MEGF11: variants seen among roughly 807,000 people sequenced by gnomAD.
MEGF11 encodes multiple EGF like domains 11.
In MEGF11, 126 loss-of-function variants were observed where a neutral mutation model predicts 146.6. That is an observed-to-expected ratio of 0.86 (90% CI 0.74 to 1.00). MEGF11 has a LOEUF of 1.00. Among genes scored for constraint, MEGF11 ranks in the 50% least tolerant of loss-of-function variants. The pLI is 0.00. For synonymous variants in MEGF11, 532 were observed against 583.4 expected, an observed-to-expected ratio of 0.91 and a Z score of 1.27; for missense variants, 1,509 against 1,521.2, an observed-to-expected ratio of 0.99 and a Z score of 0.13.
chr15:65,995,075 G>A (rs964173213), intron 5 of MEGF11, among the ~76,000 whole-genome samples: 3 of 152,196 alleles, frequency 2.0e-5, no homozygotes, highest in Admixed American at 2.0e-4. Flanking sequence ...TGTAATGAGT[G>A]GGATTTGATC....
intron 5 of MEGF11, among the ~76,000 whole-genome samples, chr15:66,082,425 TAAAAAAAAAAAAAAAAAAAA>T (rs796328490): frequency 4.0e-3 from 63 of 15,664 alleles, no homozygotes; most frequent in South Asian, 6.1e-3. Context: ...CCATCTCTAC[TAAAAAAAAAAAAAAAAAAAA>T]AAAAAAAAAA....
chr15:65,964,790 CT>C (rs1356612152), intron 9 of MEGF11, 117 bp downstream of exon 9: 1 of 1,013,374 alleles, frequency 9.9e-7, no homozygotes, highest in African/African-American at 1.6e-5. Context: ...GGTCCTAGCC[CT>C]TTCCCCCACC....
chr15:66,068,317 C>T (rs1157035287), intron 5 of MEGF11, among the ~76,000 whole-genome samples: 2 of 152,124 alleles, frequency 1.3e-5, no homozygotes, highest in African/African-American at 2.4e-5. Context: ...GCACTACTGA[C>T]ATTTGAAGTG....
At chr15:66,144,972 A>C (rs1026469168) in intron 1 of MEGF11, among the ~76,000 whole-genome samples, 2 of 152,188 alleles carry the variant, frequency 1.3e-5, no homozygotes, top group African/African-American at 4.8e-5. Context: ...CATTATACAG[A>C]TTAGGGGAAT....
At chr15:65,978,972 C>T (rs968167484) in intron 7 of MEGF11, among the ~76,000 whole-genome samples, 3 of 150,456 alleles carry the variant, frequency 2.0e-5, no homozygotes, top group African/African-American at 7.3e-5. Context: ...GCTGGGAAAC[C>T]CTGTTTTTAT....
intron 1 of MEGF11, among the ~76,000 whole-genome samples, chr15:66,199,624 C>A (rs899043856): frequency 1.3e-5 from 2 of 151,996 alleles, no homozygotes; most frequent in Non-Finnish European, 2.9e-5. Context: ...CCAACACTAA[C>A]AAAAAAATTT....
At position 65,963,476 on chromosome 15, in the gene MEGF11, A is replaced by G. The variant is rs1185073841; in HGVS notation, c.1112+1432T>C. On this transcript the variant is annotated intron_variant, in intron 9 of 25. Coordinates refer to ENST00000395614, the MANE Select transcript of MEGF11 (RefSeq NM_001385028.1). ...TCACATCTCTGATATTGGGTAATTC[A>G]TATCTCTGATATTGGCTATACAATC... 2.6e-5 allele frequency among the ~76,000 whole-genome samples: 4 copies of G among 151,932 alleles called. No homozygotes were observed. In the South Asian group the frequency reaches 6.2e-4, roughly 24 times the overall value.
chr15:66,032,657 C>T (rs539586726), intron 5 of MEGF11, among the ~76,000 whole-genome samples: 1 of 152,206 alleles, frequency 6.6e-6, no homozygotes, highest in Admixed American at 6.5e-5. Flanking sequence ...AAGAACTTGG[C>T]TGAACTATGC....
intron 1 of MEGF11, among the ~76,000 whole-genome samples, chr15:66,140,415 G>T (rs969797828): frequency 2.1e-5 from 3 of 143,016 alleles, no homozygotes; most frequent in Admixed American, 6.8e-5. Context: ...GCAGGGGCAG[G>T]TTTCCCGCCT....
At chr15:65,943,979 CTG>C (rs150166047) in intron 10 of MEGF11, among the ~76,000 whole-genome samples, 1,692 of 152,268 alleles carry the variant, frequency 0.011, 36 homozygotes, top group African/African-American at 0.039. Context: ...GGGAGCCAGA[CTG>C]TGGGGGACAG....
In MEGF11 at chr15:66,024,079, G is replaced by A. The variant is rs552680202; in HGVS notation, c.395-41591C>T. 6.8e-4 allele frequency among the ~76,000 whole-genome samples: 104 copies of A among 152,332 alleles called. No homozygotes were observed. The Middle Eastern group carries it at 0.017, about 25-fold the overall frequency. ...GGAAAGAACTGCAGGCTCAGGGTGG[G>A]GCTGGTTCGTTCCTGGGGAACCCAG... On this transcript the variant is annotated intron_variant, in intron 5 of 25. Transcript: ENST00000395614.
chr15:65,916,777 G>A, intron 17 of MEGF11, 51 bp downstream of exon 17: 1 of 1,596,702 alleles, frequency 6.3e-7, no homozygotes, highest in Non-Finnish European at 8.5e-7. Flanking sequence ...GTGGCCAGTA[G>A]GCCGCAGCAT....
intron 5 of MEGF11, among the ~76,000 whole-genome samples, chr15:66,036,864 G>A (rs899877653): frequency 1.3e-5 from 2 of 152,176 alleles, no homozygotes; most frequent in Non-Finnish European, 2.9e-5. Flanking sequence ...GGGATAACAA[G>A]CGTCTATCAA....
intron 1 of MEGF11, among the ~76,000 whole-genome samples, chr15:66,209,343 C>T (rs2091384689): frequency 6.6e-6 from 1 of 151,594 alleles, no homozygotes; most frequent in Admixed American, 6.6e-5. Context: ...GAGCAAGACT[C>T]CATCTTAAAA....
At chr15:66,221,549 C>T (rs1213372141) in intron 1 of MEGF11, among the ~76,000 whole-genome samples, 1 of 148,068 alleles carries the variant, frequency 6.8e-6, no homozygotes, top group African/African-American at 2.5e-5. Flanking sequence ...ACCCTCCCCA[C>T]AGCCCTGGCA....
At chr15:66,048,590 C>G (rs904777764) in intron 5 of MEGF11, among the ~76,000 whole-genome samples, 1 of 152,242 alleles carries the variant, frequency 6.6e-6, no homozygotes, top group Non-Finnish European at 1.5e-5. Context: ...GCAACACACA[C>G]AGAGACATCT....
intron 5 of MEGF11, among the ~76,000 whole-genome samples, chr15:66,074,175 C>A (rs147344499): frequency 1.3e-5 from 2 of 152,236 alleles, no homozygotes; most frequent in East Asian, 3.9e-4. Context: ...CCTTTCTATG[C>A]CTGTATTTGT....
At chr15:66,095,586 A>C (rs1015234229) in intron 4 of MEGF11, among the ~76,000 whole-genome samples, 1 of 152,178 alleles carries the variant, frequency 6.6e-6, no homozygotes, top group Non-Finnish European at 1.5e-5. Context: ...TGGGTTAAAC[A>C]ACAAGGCTCA....
chr15:66,052,375 C>T (rs1472038408), intron 5 of MEGF11, among the ~76,000 whole-genome samples: 1 of 152,142 alleles, frequency 6.6e-6, no homozygotes, highest in Non-Finnish European at 1.5e-5. Flanking sequence ...CAAGGAGCTC[C>T]ACAGAAGGGA....
Sources: gnomAD v4.1 joint callset for allele counts (sites outside exome capture counted in the v4.1 genomes callset) on GRCh38, gnomAD v4.1.1 for gene constraint, MANE v1.5 for transcripts, NCBI Gene and HGNC (gene_info 2026-07-23, HGNC 2026-07-21) for gene names.